The following LRP11 variants were observed in gnomAD, a reference collection of about 807,000 sequenced individuals.
LRP11 encodes the protein low-density lipoprotein receptor-related protein 11.
A neutral mutation model predicts 43.1 loss-of-function variants in LRP11; 25 were observed. The observed-to-expected ratio is 0.58, with a 90% CI of 0.42 to 0.81. The LOEUF (loss-of-function observed/expected upper bound fraction) is 0.81, where lower values mean the gene tolerates loss of function less well. Ranked by LOEUF, LRP11 falls within the 30% of genes least tolerant of loss-of-function variation. The pLI is 0.00. For missense variants in LRP11, 623 were observed against 665.1 expected, an observed-to-expected ratio of 0.94 and a Z score of 0.70; for synonymous variants, 316 against 299.4, an observed-to-expected ratio of 1.06 and a Z score of -0.57.
At chr6:149,848,175 TAAAAA>T (rs1181728017) in intron 2 of LRP11, among the ~76,000 whole-genome samples, 1 of 137,862 alleles carries the variant, frequency 7.3e-6, no homozygotes, top group East Asian at 3.6e-4. Context: ...CCCATGTTAT[TAAAAA>T]GTAAAAAACA....
rs1036534577 is a variant in LRP11, at chr6:149,844,114, A to G, written c.772-990T>C. 5.3e-5 allele frequency among the ~76,000 whole-genome samples: 8 copies of G among 152,168 alleles called. No individual in the cohort carries two copies. In the East Asian group the frequency reaches 1.2e-3, roughly 22 times the overall value. ...CTAAAAATACAAAAATCAGCTGGGC[A>G]TGGTGGCGTGCGCCTGTAGTCCCAG... On this transcript the variant is annotated intron_variant, in intron 2 of 6. Coordinates refer to ENST00000239367, the MANE Select transcript of LRP11 (RefSeq NM_032832.6).
intron 3 of LRP11, among the ~76,000 whole-genome samples, chr6:149,837,784 C>CTTCA (rs904342653): frequency 1.3e-4 from 20 of 152,294 alleles, no homozygotes; most frequent in Middle Eastern, 3.4e-3. Flanking sequence ...CTGTCTCCCT[C>CTTCA]TTCATTCATT....
At chr6:149,829,563 AAAAT>A (rs1333029262) in intron 5 of LRP11, among the ~76,000 whole-genome samples, 1 of 151,874 alleles carries the variant, frequency 6.6e-6, no homozygotes, top group Non-Finnish European at 1.5e-5. Flanking sequence ...TCCATCTAAA[AAAAT>A]AAATAAAATA....
intron 6 of LRP11, among the ~76,000 whole-genome samples, chr6:149,821,181 G>A (rs1171968502): frequency 2.6e-5 from 4 of 151,874 alleles, no homozygotes; most frequent in East Asian, 1.9e-4. Flanking sequence ...CACCTGCCTC[G>A]GCCTCCCAAA....
intron 3 of LRP11, chr6:149,842,654 G>C (rs1463287869): frequency 6.4e-7 from 1 of 1,551,072 alleles, no homozygotes; most frequent in South Asian, 1.2e-5. Flanking sequence ...TCTTGGAACA[G>C]ATGCAGCAAA....
At chr6:149,846,893 C>T (rs1026383370) in intron 2 of LRP11, among the ~76,000 whole-genome samples, 3 of 151,732 alleles carry the variant, frequency 2.0e-5, no homozygotes, top group Non-Finnish European at 4.4e-5. Flanking sequence ...AAGATTGCAC[C>T]ACTGCACTCT....
At position 149,853,171 on chromosome 6, in the gene LRP11, A is replaced by C; in HGVS notation, c.614-11T>G. The C allele has an allele frequency of 1.3e-6, 2 of 1,551,044 alleles. No homozygotes were observed. Among genetic ancestry groups the C allele is most frequent in the Non-Finnish European group, 1.7e-6 (2 of 1,151,330 alleles). ...GAGGCGCATCCTTTTCTGAGAAAGA[A>C]AATAAATAATTCATAAAAGATGATT... On this transcript the variant is annotated splice_polypyrimidine_tract_variant and intron_variant, in intron 1 of 6. Transcript: ENST00000239367.
At chr6:149,858,793 A>G (rs1174462572) in intron 1 of LRP11, among the ~76,000 whole-genome samples, 1 of 152,202 alleles carries the variant, frequency 6.6e-6, no homozygotes, top group Non-Finnish European at 1.5e-5. Flanking sequence ...ACTACTGGAC[A>G]TTTACTTTGT....
At chr6:149,838,413 T>C (rs867860644) in intron 3 of LRP11, among the ~76,000 whole-genome samples, 7 of 151,750 alleles carry the variant, frequency 4.6e-5, no homozygotes, top group Middle Eastern at 6.8e-3. Context: ...TGGCCAGGCG[T>C]GGTGGCTCAC....
intron 1 of LRP11, among the ~76,000 whole-genome samples, chr6:149,859,396 A>ATATATATATGTTTTTTTTTTTT: frequency 1.4e-5 from 1 of 71,512 alleles, no homozygotes; most frequent in African/African-American, 8.2e-5. Context: ...ATATATATAT[A>ATATATATATGTTTTTTTTTTTT]TTTTTTTTTT....
chr6:149,836,702 T>A (rs1490032188), intron 4 of LRP11, among the ~76,000 whole-genome samples: 1 of 152,098 alleles, frequency 6.6e-6, no homozygotes, highest in African/African-American at 2.4e-5. Flanking sequence ...CAGTCCCAGC[T>A]ACTGGGGAGG....
chr6:149,837,013 G>A (rs1183521180), intron 4 of LRP11, among the ~76,000 whole-genome samples: 4 of 151,832 alleles, frequency 2.6e-5, no homozygotes, highest in East Asian at 1.9e-4. Context: ...CTGGTGTATC[G>A]CAAATTTTCT....
intron 5 of LRP11, among the ~76,000 whole-genome samples, chr6:149,832,092 G>T (rs1010237174): frequency 6.6e-6 from 1 of 151,920 alleles, no homozygotes; most frequent in Admixed American, 6.6e-5. Flanking sequence ...CTTCATCATT[G>T]TCAATGTGAT....
intron 2 of LRP11, among the ~76,000 whole-genome samples, chr6:149,852,124 G>A (rs184114777): frequency 2.0e-5 from 3 of 152,222 alleles, no homozygotes; most frequent in African/African-American, 7.2e-5. Flanking sequence ...TTTTGGGTGG[G>A]GACAAAGGCA....
Position 149,820,531 on chromosome 6 carries a change from G to A in LRP11, c.*18C>T. On this transcript the variant is annotated 3_prime_UTR_variant, in exon 7 of 7. Coordinates refer to ENST00000239367, the MANE Select transcript of LRP11 (RefSeq NM_032832.6). The stretch of plus-strand genomic sequence containing the variant: ...TAAACAAAACATGTCCCTGCCCCAA[G>A]GTATTGAAATTACATTACTATAGAT... 1 of 775,842 alleles carries A rather than the reference G, an allele frequency of 1.3e-6. No individual in the cohort carries two copies. 48.1% of individuals were successfully genotyped at this position (775,842 alleles called of 1,614,324 possible). A position where few individuals can be genotyped will look rare whatever the true frequency, so the allele number is the denominator to read the frequency against.
In LRP11 at chr6:149,864,233, C is replaced by G. The variant is rs1777001093; in HGVS notation, c.-213G>C. 1.8e-6 allele frequency: 2 copies of G among 1,097,900 alleles called. No homozygotes were observed. The highest frequency in any genetic ancestry group is 5.1e-5 in the Admixed American group (1 of 19,608). The allele number at this position is 1,097,900 out of a possible 1,614,324, so 68.0% of individuals were successfully genotyped here. A position where few individuals can be genotyped will look rare whatever the true frequency, so the allele number is the denominator to read the frequency against. On this transcript the variant is annotated 5_prime_UTR_variant, in exon 1 of 7. Transcript: ENST00000239367. ...TAGCGGGAGACATAGCCGGCCCAGC[C>G]GGGCACCGCTCCTTGCCCTCGCCGG...
intron 2 of LRP11, among the ~76,000 whole-genome samples, chr6:149,850,323 A>G (rs1412969211): frequency 6.6e-6 from 1 of 152,238 alleles, no homozygotes; most frequent in Non-Finnish European, 1.5e-5. Context: ...GAGAGGCCCA[A>G]TTCTCCTGGC....
chr6:149,864,090 G>C lies in LRP11; in HGVS notation c.-70C>G. On this transcript the variant is annotated 5_prime_UTR_variant, in exon 1 of 7. Coordinates refer to ENST00000239367, the MANE Select transcript of LRP11 (RefSeq NM_032832.6). ...GGGAGGAAGGCGGGGACGCGGGCGA[G>C]CGCGGGCCCTGGGCCCCTCCTGCGC... 3 of 1,236,186 alleles carry C rather than the reference G, an allele frequency of 2.4e-6. No individual in the cohort carries two copies. The highest frequency in any genetic ancestry group is 3.0e-6 in the Non-Finnish European group (3 of 991,170). 76.6% of individuals were successfully genotyped at this position (1,236,186 alleles called of 1,614,324 possible).
chr6:149,830,042 C>T (rs773485033), intron 5 of LRP11, among the ~76,000 whole-genome samples: 1 of 137,442 alleles, frequency 7.3e-6, no homozygotes, highest in Non-Finnish European at 1.5e-5. Context: ...CAGAATTTCA[C>T]TCTTGTTGCC....
Sources: allele counts gnomAD v4.1 joint callset (sites outside exome capture counted in the v4.1 genomes callset), GRCh38; gene constraint gnomAD v4.1.1; transcripts MANE v1.5; gene names NCBI Gene and HGNC (gene_info 2026-07-23, HGNC 2026-07-21).